The following DOCK1 variants were observed in gnomAD, a reference collection of about 807,000 sequenced individuals.
DOCK1 encodes dedicator of cytokinesis 1.
A neutral mutation model predicts 262.7 loss-of-function variants in DOCK1; 138 were observed. That is an observed-to-expected ratio of 0.53 (90% CI 0.46 to 0.61). The LOEUF is 0.61. Ranked by LOEUF, DOCK1 falls within the 20% of genes least tolerant of loss-of-function variation. The pLI is 0.00. For missense variants in DOCK1, 1,908 were observed against 2,370.7 expected, an observed-to-expected ratio of 0.80 and a Z score of 4.05; for synonymous variants, 866 against 867.4, an observed-to-expected ratio of 1.00 and a Z score of 0.03.
chr10:127,064,235 G>A (rs2045716213), intron 23 of DOCK1, among the ~76,000 whole-genome samples: 1 of 152,124 alleles, frequency 6.6e-6, no homozygotes, highest in South Asian at 2.1e-4. Flanking sequence ...CATCCTCCCA[G>A]TAGTTGGGAT....
intron 29 of DOCK1, among the ~76,000 whole-genome samples, chr10:127,294,307 T>C (rs2061435317): frequency 6.6e-6 from 1 of 151,640 alleles, no homozygotes. Flanking sequence ...TCGTTTTTTG[T>C]TTTGTTTTGT....
chr10:127,053,368 C>A (rs2044884607), intron 22 of DOCK1, among the ~76,000 whole-genome samples: 1 of 152,090 alleles, frequency 6.6e-6, no homozygotes, highest in Non-Finnish European at 1.5e-5. Context: ...AATAAAACAA[C>A]AATGAAAAGG....
chr10:127,266,768 C>T (rs1282340378), intron 29 of DOCK1, among the ~76,000 whole-genome samples: 1 of 152,142 alleles, frequency 6.6e-6, no homozygotes, highest in African/African-American at 2.4e-5. Context: ...CTAGAGTTCT[C>T]CATACCTGCA....
At chr10:127,150,193 GACTCCT>G (rs2052351646) in intron 27 of DOCK1, among the ~76,000 whole-genome samples, 2 of 152,160 alleles carry the variant, frequency 1.3e-5, no homozygotes, top group Admixed American at 1.3e-4. Context: ...CTGAATAGGT[GACTCCT>G]CCTGCCCAAG....
intron 2 of DOCK1, 60 bp downstream of exon 2, chr10:126,970,845 G>A (rs986409350): frequency 6.4e-7 from 1 of 1,565,182 alleles, no homozygotes; most frequent in Admixed American, 1.8e-5. Flanking sequence ...CACCTTCTCA[G>A]TGCCTGCTGG....
intron 46 of DOCK1, among the ~76,000 whole-genome samples, chr10:127,421,432 A>C (rs768534830): frequency 2.6e-5 from 4 of 152,186 alleles, no homozygotes; most frequent in Non-Finnish European, 4.4e-5. Context: ...CATAATATAC[A>C]TTATGTATAT....
intron 10 of DOCK1, among the ~76,000 whole-genome samples, chr10:127,002,920 C>T (rs923923963): frequency 3.3e-5 from 5 of 152,228 alleles, no homozygotes; most frequent in African/African-American, 1.2e-4. Flanking sequence ...CTAGCCTTGT[C>T]GTCTTGCTCG....
intron 2 of DOCK1, among the ~76,000 whole-genome samples, chr10:126,971,048 CTT>C (rs375065109): frequency 2.1e-5 from 3 of 143,234 alleles, no homozygotes; most frequent in Non-Finnish European, 3.1e-5. Context: ...ATGTGTAAAT[CTT>C]TTTTTTTTTT....
At chr10:127,045,027 A>G (rs1591794361) in intron 21 of DOCK1, among the ~76,000 whole-genome samples, 1 of 151,916 alleles carries the variant, frequency 6.6e-6, no homozygotes, top group Non-Finnish European at 1.5e-5. Flanking sequence ...AGAAACCCCC[A>G]TCTCTACTAA....
At chr10:126,955,260 G>T (rs1175670336) in intron 1 of DOCK1, among the ~76,000 whole-genome samples, 1 of 152,116 alleles carries the variant, frequency 6.6e-6, no homozygotes, top group Admixed American at 6.5e-5. Flanking sequence ...CAAGTAGCTG[G>T]GATTATGGGC....
At chr10:127,403,203 G>A in intron 39 of DOCK1, 59 bp downstream of exon 39, 2 of 1,512,104 alleles carry the variant, frequency 1.3e-6, no homozygotes, top group Non-Finnish European at 9.0e-7. Context: ...GGTTTTTCAG[G>A]AATCTCTCTT....
intron 29 of DOCK1, among the ~76,000 whole-genome samples, chr10:127,265,919 A>G (rs1392149478): frequency 1.3e-5 from 2 of 152,214 alleles, no homozygotes; most frequent in East Asian, 3.9e-4. Flanking sequence ...TTTGCAGGGT[A>G]GGCTGTTTGT....
rs142222108 is a variant in DOCK1 at position 127,337,190 on chromosome 10, C to T, written c.3045-1816C>T. On this transcript the variant is annotated intron_variant, in intron 29 of 51. Transcript: ENST00000623213. ...GTAATGACAAGAAGGTGTTGTATTC[C>T]ACTGACACTTGGGGGCTTTTCTGTG... 2.0e-5 allele frequency among the ~76,000 whole-genome samples: 3 copies of T among 152,196 alleles called. No individual in the cohort carries two copies. The East Asian group carries it at 5.8e-4, about 29-fold the overall frequency.
intron 11 of DOCK1, among the ~76,000 whole-genome samples, chr10:127,010,359 T>C (rs1025082594): frequency 2.0e-5 from 3 of 152,010 alleles, no homozygotes; most frequent in African/African-American, 7.2e-5. Flanking sequence ...CCCAGCTACT[T>C]GGGAGGCTGA....
chr10:127,078,587 A>G (rs1223108960), intron 23 of DOCK1, among the ~76,000 whole-genome samples: 5 of 152,218 alleles, frequency 3.3e-5, no homozygotes, highest in African/African-American at 1.2e-4. Flanking sequence ...CGGCAATCCC[A>G]TTCCTGGGTA....
intron 29 of DOCK1, among the ~76,000 whole-genome samples, chr10:127,334,962 TGCAA>T (rs2063132091): frequency 6.6e-6 from 1 of 152,144 alleles, no homozygotes; most frequent in Non-Finnish European, 1.5e-5. Context: ...CACGGTTTTC[TGCAA>T]GGACTCAGGG....
chr10:127,033,830 G>A (rs542798167), intron 18 of DOCK1, among the ~76,000 whole-genome samples: 4 of 152,316 alleles, frequency 2.6e-5, no homozygotes, highest in African/African-American at 9.6e-5. Flanking sequence ...GGATCTTTCC[G>A]TTTCTGCACT....
chr10:127,202,682 C>T (rs904155600), intron 27 of DOCK1, among the ~76,000 whole-genome samples: 15 of 152,196 alleles, frequency 9.9e-5, no homozygotes, highest in East Asian at 1.9e-4. Flanking sequence ...TGCTCCGCTT[C>T]GGTTGTGCGC....
At chr10:127,262,856 G>A (rs1490094754) in intron 29 of DOCK1, among the ~76,000 whole-genome samples, 2 of 152,146 alleles carry the variant, frequency 1.3e-5, no homozygotes, top group African/African-American at 4.8e-5. Context: ...GCAGCCCTCT[G>A]GGACAGCTGC....
Sources: allele counts gnomAD v4.1 joint callset (sites outside exome capture counted in the v4.1 genomes callset), GRCh38; gene constraint gnomAD v4.1.1; transcripts MANE v1.5; gene names NCBI Gene and HGNC (gene_info 2026-07-23, HGNC 2026-07-21).